IL3RA: variants seen among roughly 807,000 people sequenced by gnomAD.
IL3RA encodes the protein interleukin 3 receptor subunit alpha.
IL3RA carries 73 observed loss-of-function variants against 52.3 expected under a neutral mutation model. The ratio of observed to expected loss-of-function variants is 1.40; its 90% CI spans 1.16 to 1.70. The LOEUF (loss-of-function observed/expected upper bound fraction) is 1.70. Ranked by LOEUF, IL3RA falls within the 40% of genes most tolerant of loss-of-function variation. IL3RA has a pLI of 0.00. For missense variants in IL3RA, 664 were observed against 504.4 expected, an observed-to-expected ratio of 1.32 and a Z score of -3.03; for synonymous variants, 260 against 194.0, an observed-to-expected ratio of 1.34 and a Z score of -2.83.
chrX:1,381,167 G>A, intron 11 of IL3RA, 63 bp downstream of exon 11: 2 of 1,477,636 alleles, frequency 1.4e-6, no homozygotes, highest in East Asian at 2.3e-5. Flanking sequence ...GGGAGGCCCA[G>A]GCGGGCGGAC....
intron 4 of IL3RA, among the ~76,000 whole-genome samples, chrX:1,350,624 G>A (rs1420174015): frequency 4.0e-5 from 6 of 149,828 alleles, no homozygotes; most frequent in Admixed American, 3.4e-4. Context: ...ATTAGCGGCC[G>A]GGCCCAGTGG....
intron 7 of IL3RA, 41 bp from the exon 8 acceptor site, chrX:1,358,820 C>T (rs375981431): frequency 1.4e-4 from 219 of 1,611,204 alleles, no homozygotes; most frequent in Middle Eastern, 1.6e-4. Context: ...CTTTCAGGGA[C>T]GGTCCAGACA....
intron 3 of IL3RA, among the ~76,000 whole-genome samples, chrX:1,346,826 T>A (rs1221132222): frequency 1.3e-5 from 2 of 151,228 alleles, no homozygotes; most frequent in Non-Finnish European, 2.9e-5. Flanking sequence ...GAGAACCTAT[T>A]TGGTCCCCTC....
Position 1,347,189 on chromosome X carries a change from G to C in IL3RA, c.184-1242G>C, listed in dbSNP as rs554700279. Reference sequence around the variant, plus strand: ...AGGCCGGGCGTGGTGGCTCACGCCTGTCATCCCAGCACTTTGGAGGCCGAG... The same window carrying C: ...AGGCCGGGCGTGGTGGCTCACGCCTCTCATCCCAGCACTTTGGAGGCCGAG... On this transcript the variant is annotated intron_variant, in intron 3 of 11. Coordinates refer to ENST00000331035, the MANE Select transcript of IL3RA (RefSeq NM_002183.4). Among the ~76,000 whole-genome samples the C allele has an allele frequency of 7.4e-4, 112 of 151,518 alleles. 2 individuals are homozygous for C. The highest frequency in any genetic ancestry group is 3.3e-3 in the South Asian group (16 of 4,808).
chrX:1,339,112 T>C (rs2085398123), intron 1 of IL3RA, among the ~76,000 whole-genome samples: 1 of 151,990 alleles, frequency 6.6e-6, no homozygotes, highest in African/African-American at 2.4e-5. Context: ...AGTGCTGGGA[T>C]TATAGGCGTG....
Position 1,379,219 on chromosome X carries a change from G to A in IL3RA, c.980+455G>A, listed in dbSNP as rs1278890324. ...CACCCAGGCTGGAGTGCAGTGGCTC[G>A]ATCTCGGCTCACCGCAGCCTCCACC... On this transcript the variant is annotated intron_variant, in intron 10 of 11. Coordinates refer to ENST00000331035, the MANE Select transcript of IL3RA (RefSeq NM_002183.4). Among the ~76,000 whole-genome samples the A allele has an allele frequency of 4.0e-5, 6 of 151,436 alleles. No individual in the cohort carries two copies. The East Asian group carries it at 7.8e-4, about 20-fold the overall frequency.
intron 4 of IL3RA, among the ~76,000 whole-genome samples, chrX:1,348,818 C>T (rs1280182481): frequency 1.1e-4 from 15 of 142,506 alleles, no homozygotes; most frequent in Non-Finnish European, 2.0e-4. Context: ...CCTTCCCTCC[C>T]TCCTTCTCTC....
At chrX:1,350,914 C>G (rs1281735997) in intron 4 of IL3RA, among the ~76,000 whole-genome samples, 2 of 148,802 alleles carry the variant, frequency 1.3e-5, no homozygotes, top group African/African-American at 2.5e-5. Context: ...TGCACACACA[C>G]GCACACACAC....
chrX:1,348,670 CTTTCTT>C (rs1556619061), intron 4 of IL3RA, 125 bp downstream of exon 4: 8,400 of 459,992 alleles, frequency 0.018, 343 homozygotes, highest in African/African-American at 0.088. Flanking sequence ...TTCTTTCTTT[CTTTCTT>C]TCTTTCTTTC....
intron 8 of IL3RA, among the ~76,000 whole-genome samples, chrX:1,362,167 T>A (rs1227854341): frequency 8.0e-5 from 11 of 137,138 alleles, no homozygotes; most frequent in Non-Finnish European, 1.6e-4. Flanking sequence ...TCTCTTTCCC[T>A]CTCTCTTTGT....
intron 4 of IL3RA, among the ~76,000 whole-genome samples, chrX:1,350,183 A>G (rs1310906600): frequency 6.6e-6 from 1 of 151,496 alleles, no homozygotes; most frequent in African/African-American, 2.4e-5. Flanking sequence ...GGCCGGGCGC[A>G]GTGGCTCACG....
intron 3 of IL3RA, among the ~76,000 whole-genome samples, chrX:1,346,984 C>G (rs1339980231): frequency 4.0e-5 from 6 of 150,986 alleles, no homozygotes; most frequent in Non-Finnish European, 7.4e-5. Context: ...GTCTAGAATC[C>G]CAGAGCGATT....
At chrX:1,343,731 T>G (rs1156392019) in intron 2 of IL3RA, among the ~76,000 whole-genome samples, 2 of 150,994 alleles carry the variant, frequency 1.3e-5, no homozygotes, top group East Asian at 3.9e-4. Context: ...ATGAAATATC[T>G]TGAGCTCTGT....
chrX:1,364,577 C>T (rs1227697185), intron 8 of IL3RA, among the ~76,000 whole-genome samples: 3 of 151,736 alleles, frequency 2.0e-5, no homozygotes, highest in Non-Finnish European at 4.4e-5. Context: ...CTCGAGGTAT[C>T]CCCCCACCTC....
At chrX:1,361,353 G>C (rs1296646144) in intron 8 of IL3RA, among the ~76,000 whole-genome samples, 1 of 152,132 alleles carries the variant, frequency 6.6e-6, no homozygotes, top group African/African-American at 2.4e-5. Flanking sequence ...ATAAACAAAA[G>C]AGGGTTCCTG....
chrX:1,378,195 AAAAG>A (rs1483399168), intron 9 of IL3RA, among the ~76,000 whole-genome samples: 1 of 144,290 alleles, frequency 6.9e-6, no homozygotes, highest in Non-Finnish European at 1.5e-5. Context: ...AAAAAAAAAA[AAAAG>A]AAAAAGAAAA....
intron 9 of IL3RA, among the ~76,000 whole-genome samples, chrX:1,377,466 C>T (rs1249868066): frequency 3.9e-5 from 6 of 152,074 alleles, no homozygotes; most frequent in African/African-American, 1.2e-4. Flanking sequence ...TGGTCTCATA[C>T]TCCCGACCTC....
chrX:1,367,197 CGGGTGAGCG>C (rs1428606143), intron 9 of IL3RA, among the ~76,000 whole-genome samples: 18 of 16,854 alleles, frequency 1.1e-3, no homozygotes, highest in Admixed American at 1.6e-3. Flanking sequence ...CGGGGTGCGC[CGGGTGAGCG>C]GGGTGAGCGG....
At chrX:1,346,306 G>C (rs1452143369) in intron 3 of IL3RA, among the ~76,000 whole-genome samples, 1 of 151,990 alleles carries the variant, frequency 6.6e-6, no homozygotes, top group African/African-American at 2.4e-5. Flanking sequence ...GGGCATGGTG[G>C]TGGGCGCCTG....
Sources: allele counts gnomAD v4.1 joint callset (sites outside exome capture counted in the v4.1 genomes callset), GRCh38; gene constraint gnomAD v4.1.1; transcripts MANE v1.5; gene names NCBI Gene and HGNC (gene_info 2026-07-23, HGNC 2026-07-21).